Variants in CCDC63 observed in about 807,000 individuals in gnomAD.
CCDC63 encodes coiled-coil domain-containing protein 63.
Under a neutral mutation model 63.6 loss-of-function variants are expected in CCDC63, and 54 were observed. That is an observed-to-expected ratio of 0.85 (90% CI 0.68 to 1.07). CCDC63 has a LOEUF of 1.07. CCDC63 is among the 50% of genes least tolerant of loss of function. The pLI, the probability that CCDC63 is intolerant of heterozygous loss-of-function variation, is 0.00. For synonymous variants in CCDC63, 253 were observed against 266.1 expected, an observed-to-expected ratio of 0.95 and a Z score of 0.48; for missense variants, 637 against 689.6, an observed-to-expected ratio of 0.92 and a Z score of 0.86.
chr12:110,852,333 C>G (rs927513310), intron 1 of CCDC63, among the ~76,000 whole-genome samples: 1 of 152,096 alleles, frequency 6.6e-6, no homozygotes, highest in African/African-American at 2.4e-5. Context: ...TCGGCTCACT[C>G]ACTGCAATCT....
intron 8 of CCDC63, among the ~76,000 whole-genome samples, chr12:110,891,927 A>G (rs1269914418): frequency 6.6e-6 from 1 of 152,184 alleles, no homozygotes; most frequent in Non-Finnish European, 1.5e-5. Flanking sequence ...ACTCCTAGGC[A>G]TGAGATTGGT....
chr12:110,890,358 G>A (rs946094692), intron 8 of CCDC63, among the ~76,000 whole-genome samples: 13 of 151,846 alleles, frequency 8.6e-5, no homozygotes, highest in Non-Finnish European at 1.3e-4. Context: ...TTTACAGGGG[G>A]AAAAAAAGCA....
In CCDC63 at chr12:110,852,866, C is replaced by CA. The variant is rs768948370; in HGVS notation, c.-88dup. The CA allele has an allele frequency of 5.6e-6, 9 of 1,604,982 alleles. No homozygotes were observed. The highest frequency in any genetic ancestry group is 7.7e-6 in the Non-Finnish European group (9 of 1,171,934). On this transcript the variant is annotated 5_prime_UTR_variant, in exon 2 of 12. Transcript: ENST00000308208. Reference sequence around the variant, plus strand: ...TTTTGCCACCATGAACAGGGCATTGCAGAGAGACAGAGAGAGAGAGGAAGG... The same window carrying CA: ...TTTTGCCACCATGAACAGGGCATTGCAAGAGAGACAGAGAGAGAGAGGAAGG...
intron 11 of CCDC63, among the ~76,000 whole-genome samples, chr12:110,905,947 T>A (rs1192666350): frequency 2.6e-5 from 1 of 37,908 alleles, no homozygotes; most frequent in African/African-American, 1.4e-4. Context: ...AAAATATATA[T>A]TATATTATTA....
rs1435374978 is a variant in CCDC63 at position 110,879,926 on chromosome 12, G to A, written c.510G>A (p.Lys170=). ...RLNLVTVHFD[K]MLTTNAKLRK... ...AACAGGTCACTGTTCACTTTGACAAGATGCTGACCACTAATGCCAAGCTCC... is the reference window on the plus strand; with the variant it reads ...AACAGGTCACTGTTCACTTTGACAAAATGCTGACCACTAATGCCAAGCTCC... The change falls in exon 6 of 12, where the codon AAG becomes AAA. Residue 170 remains lysine, a synonymous_variant. Coordinates refer to ENST00000308208, the MANE Select transcript of CCDC63 (RefSeq NM_152591.3). 6.2e-7 allele frequency: 1 copy of A among 1,614,056 alleles called. No homozygotes were observed. The highest frequency in any genetic ancestry group is 1.3e-5 in the African/African-American group (1 of 74,920).
chr12:110,894,242 C>T (rs923583855), intron 9 of CCDC63, among the ~76,000 whole-genome samples: 28 of 152,132 alleles, frequency 1.8e-4, no homozygotes, highest in African/African-American at 6.5e-4. Flanking sequence ...CAGAGTCAGA[C>T]AGCTTAAAAG....
chr12:110,861,811 A>T (rs1467087130), intron 4 of CCDC63, among the ~76,000 whole-genome samples: 1 of 149,472 alleles, frequency 6.7e-6, no homozygotes, highest in African/African-American at 2.5e-5. Context: ...ACCTCAAGTG[A>T]TCTGCCCTCT....
chr12:110,904,339 A>C (rs2136752652), intron 10 of CCDC63, among the ~76,000 whole-genome samples: 1 of 80,908 alleles, frequency 1.2e-5, no homozygotes, highest in Admixed American at 1.5e-4. Flanking sequence ...AGACCTTGTC[A>C]AAAAAAAAAA....
chr12:110,851,788 G>A (rs548649663), intron 1 of CCDC63, among the ~76,000 whole-genome samples: 18 of 152,210 alleles, frequency 1.2e-4, no homozygotes, highest in Admixed American at 2.0e-4. Context: ...CACTTACTAC[G>A]TCCCAAGCAC....
chr12:110,873,863 A>T lies in CCDC63; in HGVS notation c.391A>T (p.Ile131Phe), dbSNP rs757817548. The change falls in exon 5 of 12, where the codon ATC (isoleucine) becomes TTC (phenylalanine). Residue 131 changes from isoleucine (I) to phenylalanine (F), a missense_variant. Ile to Phe is a conservative substitution (Grantham distance 21). Coordinates refer to ENST00000308208, the MANE Select transcript of CCDC63 (RefSeq NM_152591.3). ...DEKILQMEKK[I>F]ANQKQIFAKM... ...TCAGATTCTTCAGATGGAAAAAAAA[A>T]TCGCAAACCAAAAACAGATTTTCGC... 3.7e-6 allele frequency: 6 copies of T among 1,613,120 alleles called. No homozygotes were observed. The Admixed American group carries it at 1.0e-4, about 27-fold the overall frequency.
At chr12:110,858,559 G>A (rs2070808579) in intron 3 of CCDC63, 27 bp from the exon 4 acceptor site, 6 of 1,592,406 alleles carry the variant, frequency 3.8e-6, no homozygotes, top group Non-Finnish European at 5.1e-6. Context: ...GGGGTTTGGG[G>A]TTAATCATGG....
chr12:110,873,877 A>C lies in CCDC63; in HGVS notation c.405A>C (p.Lys135Asn), dbSNP rs768068999. The change falls in exon 5 of 12, where the codon AAA becomes AAC. Residue 135 changes from lysine to asparagine, a missense_variant. Transcript: ENST00000308208. ...LQMEKKIANQ[K>N]QIFAKMQEAN... is the part of the protein sequence containing the mutation. The stretch of plus-strand genomic sequence containing the variant: ...TGGAAAAAAAAATCGCAAACCAAAA[A>C]CAGATTTTCGCAAAAATGCAGGAGG... 6.2e-7 allele frequency: 1 copy of C among 1,612,706 alleles called. No homozygotes were observed. Among genetic ancestry groups the C allele is most frequent in the South Asian group, 1.1e-5 (1 of 90,890 alleles).
intron 3 of CCDC63, among the ~76,000 whole-genome samples, chr12:110,853,995 C>T (rs1331019881): frequency 6.6e-6 from 1 of 152,174 alleles, no homozygotes; most frequent in Non-Finnish European, 1.5e-5. Flanking sequence ...CAATTCCAAC[C>T]TCACATTCCT....
At chr12:110,852,792 GC>G (rs2070720193) in intron 1 of CCDC63, 66 bp from the exon 2 acceptor site, 2 of 977,738 alleles carry the variant, frequency 2.0e-6, no homozygotes, top group African/African-American at 1.6e-5. Context: ...GGGAGGAGGT[GC>G]CGTTCTGACC....
At chr12:110,859,822 A>G (rs2070828909) in intron 4 of CCDC63, among the ~76,000 whole-genome samples, 1 of 152,026 alleles carries the variant, frequency 6.6e-6, no homozygotes, top group Non-Finnish European at 1.5e-5. Flanking sequence ...CATGCCCCTT[A>G]CCCTGGCTTG....
intron 8 of CCDC63, among the ~76,000 whole-genome samples, chr12:110,885,179 GA>G (rs763360457): frequency 0.012 from 1,657 of 133,810 alleles, 12 homozygotes; most frequent in Non-Finnish European, 0.015. Flanking sequence ...ATTGTAAGAA[GA>G]AAAAAAAAAA....
intron 8 of CCDC63, among the ~76,000 whole-genome samples, chr12:110,884,696 A>AT (rs991320594): frequency 5.4e-5 from 8 of 149,178 alleles, no homozygotes; most frequent in East Asian, 2.0e-4. Context: ...TTTTATTTGT[A>AT]TTTTTTTTGA....
chr12:110,851,905 A>G (rs2070709705), intron 1 of CCDC63, among the ~76,000 whole-genome samples: 2 of 152,202 alleles, frequency 1.3e-5, no homozygotes, highest in South Asian at 4.1e-4. Flanking sequence ...CCCGAGGTTA[A>G]TAAGTGGCTT....
In CCDC63 at chr12:110,858,585, G is replaced by C. The variant is rs1447716558; in HGVS notation, c.180-1G>C. 1.2e-6 allele frequency: 2 copies of C among 1,607,692 alleles called. No individual in the cohort carries two copies. Among genetic ancestry groups the C allele is most frequent in the Non-Finnish European group, 1.7e-6 (2 of 1,176,860 alleles). On this transcript the variant is annotated splice_acceptor_variant, in intron 3 of 11. Transcript: ENST00000308208. LOFTEE classifies it high-confidence loss of function. ...TTAATCATGGGCTGCTTTTCCAACA[G>C]CAAGGAGATCAAGACCCTGAAGACA...
Sources: gnomAD v4.1 joint callset for allele counts (sites outside exome capture counted in the v4.1 genomes callset) on GRCh38, gnomAD v4.1.1 for gene constraint, MANE v1.5 for transcripts, NCBI Gene and HGNC (gene_info 2026-07-23, HGNC 2026-07-21) for gene names.